UNC45B: variants seen among roughly 807,000 people sequenced by gnomAD.
The protein encoded by UNC45B is protein unc-45 homolog B.
In UNC45B, 78 loss-of-function variants were observed where a neutral mutation model predicts 98.7. The ratio of observed to expected loss-of-function variants is 0.79; its 90% CI spans 0.66 to 0.95. The LOEUF (loss-of-function observed/expected upper bound fraction) is 0.95, where lower values mean the gene tolerates loss of function less well. UNC45B is among the 40% of genes least tolerant of loss of function. The pLI, the probability that UNC45B is intolerant of heterozygous loss-of-function variation, is 0.00. For synonymous variants in UNC45B, 462 were observed against 480.4 expected, an observed-to-expected ratio of 0.96 and a Z score of 0.50; for missense variants, 1,225 against 1,184.9, an observed-to-expected ratio of 1.03 and a Z score of -0.50.
At chr17:35,181,765 T>C (rs1017135508) in intron 18 of UNC45B, among the ~76,000 whole-genome samples, 2 of 132,584 alleles carry the variant, frequency 1.5e-5, no homozygotes, top group African/African-American at 5.7e-5. Flanking sequence ...CACTCCAGCC[T>C]GGGTGACAAA....
At chr17:35,175,865 C>T (rs969745986) in intron 14 of UNC45B, 103 bp from the exon 15 acceptor site, 2 of 1,095,866 alleles carry the variant, frequency 1.8e-6, no homozygotes, top group Non-Finnish European at 2.7e-6. Context: ...TCTCCCTTTT[C>T]ATCCCAGGGT....
intron 17 of UNC45B, among the ~76,000 whole-genome samples, chr17:35,177,869 C>A (rs953240550): frequency 5.5e-5 from 8 of 145,958 alleles, no homozygotes; most frequent in African/African-American, 2.0e-4. Flanking sequence ...CTTCTCTTTT[C>A]TTTCTTTTCT....
chr17:35,159,705 T>C (rs1180288929), intron 8 of UNC45B, among the ~76,000 whole-genome samples, 160 bp downstream of exon 8: 1 of 152,018 alleles, frequency 6.6e-6, no homozygotes. Context: ...AGTGGGCCTG[T>C]GAAGGTGCAG....
rs59781678 is a variant in UNC45B at position 35,183,304 on chromosome 17, G to C, written c.2374-123G>C. The C allele has an allele frequency of 0.11, 122,082 of 1,106,890 alleles. 7,222 individuals carry two copies. The highest frequency in any genetic ancestry group is 0.23 in the East Asian group (7,454 of 32,322). 68.6% of individuals were successfully genotyped at this position (1,106,890 alleles called of 1,614,324 possible). On this transcript the variant is annotated intron_variant, in intron 18 of 19. Coordinates refer to ENST00000394570, the MANE Select transcript of UNC45B (RefSeq NM_001267052.2). ...AGGCTTCTTGGGGGAGGTAGCATGAGTGACCTGCTCAAAGGGAAACTCTAA... is the reference window on the plus strand; with the variant it reads ...AGGCTTCTTGGGGGAGGTAGCATGACTGACCTGCTCAAAGGGAAACTCTAA...
intron 12 of UNC45B, 94 bp from the exon 13 acceptor site, chr17:35,171,215 CTCCTCCGACACCA>C (rs1269558374): frequency 1.0e-5 from 15 of 1,448,056 alleles, no homozygotes; most frequent in Middle Eastern, 1.8e-4. Flanking sequence ...ACCAGCTGCA[CTCCTCCGACACCA>C]ACCTGCCGGC....
rs551242655 is a variant in UNC45B at position 35,147,901 on chromosome 17, T to C, written c.-10T>C. The C allele has an allele frequency of 2.9e-5, 6 of 203,800 alleles. No homozygotes were observed. The East Asian group carries it at 5.2e-4, about 18-fold the overall frequency. The allele number at this position is 203,800 out of a possible 1,614,324, so 12.6% of individuals were successfully genotyped here. A position where few individuals can be genotyped will look rare whatever the true frequency, so the allele number is the denominator to read the frequency against. On this transcript the variant is annotated 5_prime_UTR_variant, in exon 1 of 20. Coordinates refer to ENST00000394570, the MANE Select transcript of UNC45B (RefSeq NM_001267052.2). The stretch of plus-strand genomic sequence containing the variant: ...GAGGGCAGATCGAAAGCATCGTCCT[T>C]GCTGAAAAAGTGAGCATGGGCCTGG...
At chr17:35,177,880 T>TTTCTTTTTTTCTTTCTTTTCTC (rs1379561152) in intron 17 of UNC45B, among the ~76,000 whole-genome samples, 1 of 152,016 alleles carries the variant, frequency 6.6e-6, no homozygotes, top group Admixed American at 6.6e-5. Flanking sequence ...TTTCTTTTCT[T>TTTCTTTTTTTCTTTCTTTTCTC]TTCTTTTTTT....
At chr17:35,150,885 G>C (rs2092013327) in intron 4 of UNC45B, among the ~76,000 whole-genome samples, 2 of 151,988 alleles carry the variant, frequency 1.3e-5, no homozygotes, top group Non-Finnish European at 2.9e-5. Flanking sequence ...CATCGATGAG[G>C]GATAGAGGAG....
rs756317081 is a variant in UNC45B, at chr17:35,183,449, A to C, written c.2396A>C (p.Asp799Ala). 2 of 1,595,812 alleles carry C rather than the reference A, an allele frequency of 1.3e-6. No individual in the cohort carries two copies. The highest frequency in any genetic ancestry group is 2.3e-5 in the South Asian group (2 of 88,256). The part of the protein sequence containing the change: ...HKEVQERFLA[D>A]GNDRLKLVVL... ...CAGGTACAGGAAAGGTTCTTGGCTGACGGGAATGACCGGCTGAAGCTGGTG... is the reference window on the plus strand; with the variant it reads ...CAGGTACAGGAAAGGTTCTTGGCTGCCGGGAATGACCGGCTGAAGCTGGTG... The change falls in exon 19 of 20, where the codon GAC becomes GCC. Residue 799 changes from aspartate to alanine, a missense_variant. By Grantham distance (126) the Asp-to-Ala change is moderately radical. Coordinates refer to ENST00000394570, the MANE Select transcript of UNC45B (RefSeq NM_001267052.2).
rs1567759185 is a variant in UNC45B at position 35,163,878 on chromosome 17, CAT to C, written c.980-116_980-115del. 9 of 1,193,504 alleles carry C rather than the reference CAT, an allele frequency of 7.5e-6. No individual in the cohort carries two copies. In the Admixed American group the frequency reaches 1.8e-4, roughly 24 times the overall value. 73.9% of individuals were successfully genotyped at this position (1,193,504 alleles called of 1,614,324 possible). ...AGGCCCTTTCATTCTGGATGAACCA[CAT>C]GTTTTCTACAGACAGGGCTGGAGAG... On this transcript the variant is annotated intron_variant, in intron 8 of 19. Coordinates refer to ENST00000394570, the MANE Select transcript of UNC45B (RefSeq NM_001267052.2).
At chr17:35,182,920 T>C (rs1470406807) in intron 18 of UNC45B, among the ~76,000 whole-genome samples, 1 of 151,890 alleles carries the variant, frequency 6.6e-6, no homozygotes, top group Admixed American at 6.6e-5. Flanking sequence ...TGGAAGCTCT[T>C]CTCCTGGTTT....
intron 8 of UNC45B, among the ~76,000 whole-genome samples, chr17:35,163,411 G>A (rs1410522114): frequency 1.3e-5 from 2 of 152,176 alleles, no homozygotes; most frequent in South Asian, 2.1e-4. Context: ...TTTGCCCAAC[G>A]GTAATAGGAA....
rs755022780 is a variant in UNC45B at position 35,175,992 on chromosome 17, C to T, written c.1983C>T (p.Asn661=). ...LARVFLALCD[N]PKDRGTIVAQ... is the part of the protein sequence containing the mutation. Reference sequence around the variant, plus strand: ...GGGTATTCCTGGCACTGTGTGACAACCCAAAGGACCGAGGCACCATTGTGG... The same window carrying T: ...GGGTATTCCTGGCACTGTGTGACAATCCAAAGGACCGAGGCACCATTGTGG... Residue 661 remains asparagine, a synonymous_variant, in exon 15 of 20, where the codon AAC becomes AAT. Coordinates refer to ENST00000394570, the MANE Select transcript of UNC45B (RefSeq NM_001267052.2). The T allele has an allele frequency of 3.1e-6, 5 of 1,614,008 alleles. No individual in the cohort carries two copies. The highest frequency in any genetic ancestry group is 1.3e-5 in the African/African-American group (1 of 74,916).
chr17:35,154,596 T>C lies in UNC45B; in HGVS notation c.494T>C (p.Leu165Pro). The C allele has an allele frequency of 6.2e-7, 1 of 1,613,686 alleles. No individual in the cohort carries two copies. The highest frequency in any genetic ancestry group is 2.2e-5 in the East Asian group (1 of 44,868). The change falls in exon 6 of 20, where the codon CTA (leucine) becomes CCA (proline). Residue 165 changes from leucine to proline, a missense_variant. Leu to Pro is a moderately conservative substitution (Grantham distance 98, BLOSUM62 -3). Coordinates refer to ENST00000394570, the MANE Select transcript of UNC45B (RefSeq NM_001267052.2). ...REKAANNLIV[L>P]GREEAGAEKI... ...CAGGCTGCCAACAATCTCATTGTCC[T>C]AGGCCGTGAGGAAGCAGGGGCTGAG...
rs577526458 is a variant in UNC45B, at chr17:35,156,549, C to T, written c.808+1085C>T. ...GCTGAAGCAGAAGAATCGTTTGAGC[C>T]GGGGAGGCGAAGTTTGCAGTGAGCC... On this transcript the variant is annotated intron_variant, in intron 7 of 19. Transcript: ENST00000394570. 1.5e-3 allele frequency among the ~76,000 whole-genome samples: 226 copies of T among 152,024 alleles called. 7 individuals are homozygous for T. The South Asian group carries it at 0.044, about 30-fold the overall frequency.
At chr17:35,150,730 G>A (rs1007311956) in intron 4 of UNC45B, among the ~76,000 whole-genome samples, 3 of 151,896 alleles carry the variant, frequency 2.0e-5, no homozygotes, top group Non-Finnish European at 2.9e-5. Flanking sequence ...CAGCCTGGGC[G>A]ACAGAGCAAG....
At chr17:35,150,349 C>T in intron 4 of UNC45B, 126 bp downstream of exon 4, 1 of 1,045,074 alleles carries the variant, frequency 9.6e-7, no homozygotes, top group Non-Finnish European at 1.3e-6. Context: ...GAGATAGAGA[C>T]AGCAAGTGGC....
At chr17:35,168,450 T>G in intron 10 of UNC45B, 89 bp downstream of exon 10, 1 of 1,188,456 alleles carries the variant, frequency 8.4e-7, no homozygotes, top group Non-Finnish European at 1.1e-6. Flanking sequence ...GAGGCTGCTG[T>G]CCTTGAGGAG....
At chr17:35,179,572 TA>T (rs1231768962) in intron 17 of UNC45B, among the ~76,000 whole-genome samples, 1 of 152,042 alleles carries the variant, frequency 6.6e-6, no homozygotes, top group Non-Finnish European at 1.5e-5. Context: ...TATGCAGCCA[TA>T]AAAAAGGATG....
Sources: allele counts gnomAD v4.1 joint callset (sites outside exome capture counted in the v4.1 genomes callset), GRCh38; gene constraint gnomAD v4.1.1; transcripts MANE v1.5; gene names NCBI Gene and HGNC (gene_info 2026-07-23, HGNC 2026-07-21).